TRPM5: variants seen among roughly 807,000 people sequenced by gnomAD.
The protein encoded by TRPM5 is MLSN1 and TRP-related.
A neutral mutation model predicts 124.9 loss-of-function variants in TRPM5; 121 were observed. The ratio of observed to expected loss-of-function variants is 0.97; its 90% CI spans 0.84 to 1.13. The LOEUF (loss-of-function observed/expected upper bound fraction) is 1.13. Among genes scored for constraint, TRPM5 ranks in the 50% most tolerant of loss-of-function variants. The pLI is 0.00. For synonymous variants in TRPM5, 781 were observed against 700.5 expected (o/e 1.11, Z -1.81); for missense variants, 1,643 against 1,589.1 (o/e 1.03, Z -0.58).
intron 21 of TRPM5, 51 bp from the exon 27 acceptor site, chr11:2,406,142 G>A (rs369473047): frequency 4.4e-5 from 71 of 1,595,890 alleles, no homozygotes; most frequent in Admixed American, 2.5e-4. Context: ...GGTGCTCTGC[G>A]TGTGGGGAGC....
At chr11:2,404,908 G>A in exon 24 of TRPM5, 3 of 1,568,708 alleles carry the variant, frequency 1.9e-6, no homozygotes, top group Non-Finnish European at 2.6e-6. Flanking sequence ...CTGAGGAGAG[G>A]TGGCCCCACA....
the TRPM5 span, among the ~76,000 whole-genome samples, chr11:2,440,890 TC>T: frequency 6.6e-6 from 1 of 152,068 alleles, no homozygotes; most frequent in Non-Finnish European, 1.5e-5. The surrounding 1 kb of genome is among the most constrained non-coding windows in gnomAD (Gnocchi z 5.2). Context: ...CACACACCCT[TC>T]CCTTGGTCAG....
At chr11:2,431,694 T>G in the TRPM5 span, among the ~76,000 whole-genome samples, 7 of 152,126 alleles carry the variant, frequency 4.6e-5, no homozygotes, top group African/African-American at 1.7e-4. Context: ...GAGCTCCTGC[T>G]GGCCCCCTCT....
intron 12 of TRPM5, 124 bp from the exon 18 acceptor site, chr11:2,413,712 C>T: frequency 1.1e-6 from 1 of 930,518 alleles, no homozygotes; most frequent in African/African-American, 1.7e-5. Flanking sequence ...CAGCCCAGCC[C>T]TCCCTCCCGG....
chr11:2,412,074 T>A (rs1850464562), intron 16 of TRPM5, 61 bp downstream of exon 21: 3 of 1,441,056 alleles, frequency 2.1e-6, no homozygotes, highest in African/African-American at 2.8e-5. Context: ...CCTGAGTGGC[T>A]TCATCTGGAA....
intron 23 of TRPM5, 43 bp from the exon 29 acceptor site, chr11:2,405,086 G>A (rs962862321): frequency 2.6e-6 from 4 of 1,552,324 alleles, no homozygotes; most frequent in Admixed American, 1.7e-5. Context: ...GAACCAGCAA[G>A]GCAGGCCCAG....
At chr11:2,406,505 A>C (rs924764602) in intron 21 of TRPM5, among the ~76,000 whole-genome samples, 156 bp downstream of exon 26, 1 of 152,172 alleles carries the variant, frequency 6.6e-6, no homozygotes, top group African/African-American at 2.4e-5. Context: ...TGCACAGGTC[A>C]GGCTGGAAAG....
At chr11:2,413,561 C>A in exon 13 of TRPM5, 2 of 1,612,346 alleles carry the variant, frequency 1.2e-6, no homozygotes, top group Non-Finnish European at 1.7e-6. Flanking sequence ...GCGGCCATGT[C>A]CCCCCACCAG....
At chr11:2,426,405 G>A (rs1432141597), upstream of TRPM5, among the ~76,000 whole-genome samples, 3 of 152,144 alleles carry the variant, frequency 2.0e-5, no homozygotes, top group Non-Finnish European at 4.4e-5. Context: ...GGATTTGCAT[G>A]AGCAGGTGCC....
chr11:2,406,039 T>C, exon 22 of TRPM5: 2 of 1,612,204 alleles, frequency 1.2e-6, no homozygotes, highest in Non-Finnish European at 1.7e-6. Context: ...AGACACTTGA[T>C]GCGCTTTTCT....
intron 20 of TRPM5, 108 bp from the exon 26 acceptor site, chr11:2,406,901 G>A (rs188782990): frequency 2.0e-6 from 3 of 1,477,784 alleles, no homozygotes; most frequent in East Asian, 4.6e-5. Context: ...AGTGAGTGGG[G>A]CCCAGCCAGG....
At chr11:2,408,884 T>A (rs1850382167) in intron 18 of TRPM5, among the ~76,000 whole-genome samples, 1 of 152,228 alleles carries the variant, frequency 6.6e-6, no homozygotes, top group Admixed American at 6.5e-5. Flanking sequence ...TGTGAGCCTG[T>A]ACATGTGATT....
chr11:2,436,740 CTG>C, the TRPM5 span, among the ~76,000 whole-genome samples: 5 of 152,238 alleles, frequency 3.3e-5, no homozygotes, highest in Non-Finnish European at 7.3e-5. Context: ...AGAATCGATG[CTG>C]TGTCAGGAGC....
chr11:2,417,430 G>C (rs1250074407), intron 7 of TRPM5, among the ~76,000 whole-genome samples: 1 of 152,216 alleles, frequency 6.6e-6, no homozygotes, highest in Admixed American at 6.5e-5. Context: ...ACTCCAGCCT[G>C]GGCGACAGTG....
At chr11:2,428,719 G>T in the TRPM5 span, among the ~76,000 whole-genome samples, 1 of 151,592 alleles carries the variant, frequency 6.6e-6, no homozygotes, top group African/African-American at 2.4e-5. This position sits in a 1 kb window ranked among gnomAD's most constrained non-coding sequence, Gnocchi z 4.0. Context: ...GGTGGTGGTA[G>T]TGACTGTGGT....
At chr11:2,428,786 A>G in the TRPM5 span, among the ~76,000 whole-genome samples, 1 of 145,286 alleles carries the variant, frequency 6.9e-6, no homozygotes, top group Non-Finnish European at 1.5e-5. This position sits in a 1 kb window ranked among gnomAD's most constrained non-coding sequence, Gnocchi z 4.0. Flanking sequence ...GTGGTGGGTG[A>G]CGAAGGTGGT....
At chr11:2,427,352 C>T (rs534124879), upstream of TRPM5, among the ~76,000 whole-genome samples, 135 of 152,288 alleles carry the variant, frequency 8.9e-4, no homozygotes, top group African/African-American at 3.0e-3. Context: ...CCCTGACACG[C>T]GGCTGCTGGC....
At chr11:2,406,783 C>T in exon 21 of TRPM5, 2 of 1,611,818 alleles carry the variant, frequency 1.2e-6, no homozygotes, top group Non-Finnish European at 8.5e-7. Context: ...GGGGGTCTGG[C>T]AGGTCTCTCT....
chr11:2,420,526 C>G (rs1362675985), intron 3 of TRPM5, 121 bp from the exon 9 acceptor site: 1 of 1,039,310 alleles, frequency 9.6e-7, no homozygotes, highest in Admixed American at 3.0e-5. Context: ...AAGGCTTCTG[C>G]CCGAGCCTTG....
Sources: allele counts gnomAD v4.1 joint callset (sites outside exome capture counted in the v4.1 genomes callset), GRCh38; gene constraint gnomAD v4.1.1; non-coding constraint Gnocchi (gnomAD v3.1); transcripts MANE v1.5; gene names NCBI Gene and HGNC (gene_info 2026-07-23, HGNC 2026-07-21).